Variants in KANK1 observed in about 807,000 individuals in gnomAD.
KANK1 encodes KN motif and ankyrin repeat domain-containing protein 1.
A neutral mutation model predicts 106.2 loss-of-function variants in KANK1; 109 were observed. The ratio of observed to expected loss-of-function variants is 1.03; its 90% CI spans 0.88 to 1.20. The LOEUF is 1.20. Among genes scored for constraint, KANK1 ranks in the 50% most tolerant of loss-of-function variants. The pLI is 0.00. For synonymous variants in KANK1, 873 were observed against 652.2 expected (o/e 1.34, Z -5.16); for missense variants, 2,399 against 1,710.7 (o/e 1.40, Z -7.10).
At chr9:595,987 A>G (rs527623538) in intron 1 of KANK1, among the ~76,000 whole-genome samples, 1 of 152,084 alleles carries the variant, frequency 6.6e-6, no homozygotes, top group South Asian at 2.1e-4. Flanking sequence ...TTGCATATAC[A>G]TAATGAAATT....
intron 3 of KANK1, among the ~76,000 whole-genome samples, chr9:478,971 G>A (rs947421768): frequency 2.0e-5 from 3 of 149,378 alleles, no homozygotes; most frequent in Non-Finnish European, 3.0e-5. Flanking sequence ...AGCCTGGGGC[G>A]CAGTGGTGCA....
At chr9:682,699 C>T (rs1196039168) in intron 2 of KANK1, among the ~76,000 whole-genome samples, 2 of 152,138 alleles carry the variant, frequency 1.3e-5, no homozygotes, top group African/African-American at 4.8e-5. Flanking sequence ...TTCAAAGAAG[C>T]AGGATGACTG....
At chr9:518,862 T>C (rs1338307245) in intron 1 of KANK1, among the ~76,000 whole-genome samples, 3 of 150,850 alleles carry the variant, frequency 2.0e-5, no homozygotes, top group African/African-American at 7.4e-5. Context: ...ATGAAGCCTA[T>C]ATGGAGTTTC....
In KANK1 at chr9:732,321, A is replaced by C. The variant is rs140398822; in HGVS notation, c.3006-57A>C. ...AGCAAATCCCTTCATAGAAATTTCT[A>C]TCACTGGGTCTTCGTGAGCACACCT... On this transcript the variant is annotated intron_variant, in intron 5 of 11. Transcript: ENST00000382297. The C allele has an allele frequency of 2.5e-5, 39 of 1,552,536 alleles. No homozygotes were observed. In the Admixed American group the frequency reaches 6.6e-4, roughly 26 times the overall value.
chr9:693,674 G>C, intron 2 of KANK1: 10 of 985,366 alleles, frequency 1.0e-5, no homozygotes, highest in Non-Finnish European at 1.2e-5. Flanking sequence ...CTCTGCAACA[G>C]CTCCTGGGCT....
At chr9:624,215 A>G (rs1301378966) in intron 1 of KANK1, among the ~76,000 whole-genome samples, 2 of 152,168 alleles carry the variant, frequency 1.3e-5, no homozygotes, top group Non-Finnish European at 2.9e-5. Context: ...GGTGATTGTC[A>G]GGGTCTGGGG....
At chr9:664,833 A>G (rs1844202516) in intron 1 of KANK1, among the ~76,000 whole-genome samples, 1 of 152,158 alleles carries the variant, frequency 6.6e-6, no homozygotes, top group Non-Finnish European at 1.5e-5. Context: ...CCTCACCAGC[A>G]TGTTATTCCC....
Position 734,895 on chromosome 9 carries a change from G to A in KANK1, c.3333+60G>A, listed in dbSNP as rs1364384396. The A allele has an allele frequency of 8.1e-6, 10 of 1,237,706 alleles. No individual in the cohort carries two copies. In the Admixed American group the frequency reaches 1.7e-4, roughly 21 times the overall value. 76.7% of individuals were successfully genotyped at this position (1,237,706 alleles called of 1,614,324 possible). ...TACAAAGTGCATGAGTGGGTTCATT[G>A]TCAAGGCCAGCTGTAGGCTGCCCGA... On this transcript the variant is annotated intron_variant, in intron 7 of 11. Coordinates refer to ENST00000382297, the MANE Select transcript of KANK1 (RefSeq NM_015158.5).
chr9:614,025 G>C (rs1207303234), intron 1 of KANK1, among the ~76,000 whole-genome samples: 2 of 152,152 alleles, frequency 1.3e-5, no homozygotes, highest in African/African-American at 4.8e-5. Flanking sequence ...AAGCATCTCT[G>C]GGTGGCACTG....
rs755580165 is a variant in KANK1, at chr9:713,075, A to T, written c.2309A>T (p.Tyr770Phe). The change falls in exon 3 of 12, where the codon TAT becomes TTT. Residue 770 changes from tyrosine (Y) to phenylalanine (F), a missense_variant. Physicochemically the swap from Tyr to Phe is conservative, Grantham distance 22. Coordinates refer to ENST00000382297, the MANE Select transcript of KANK1 (RefSeq NM_015158.5). Reference protein sequence around the residue: ...GVGQININDNYLVGLKMRTIA... With the variant: ...GVGQININDNFLVGLKMRTIA... ...GGGCAGATAAATATTAACGACAACT[A>T]TCTGGTTGGTCTCAAAATGAGGACT... is the stretch of plus-strand genomic sequence containing the variant. 6.2e-7 allele frequency: 1 copy of T among 1,613,812 alleles called. No homozygotes were observed. The highest frequency in any genetic ancestry group is 1.1e-5 in the South Asian group (1 of 91,048).
chr9:744,126 A>C (rs1564145857), intron 10 of KANK1, among the ~76,000 whole-genome samples: 1 of 152,178 alleles, frequency 6.6e-6, no homozygotes, highest in Non-Finnish European at 1.5e-5. Context: ...AAGGTAAAAG[A>C]TCTTTGGCAA....
At chr9:561,906 G>A (rs1427523213) in intron 1 of KANK1, among the ~76,000 whole-genome samples, 1 of 152,228 alleles carries the variant, frequency 6.6e-6, no homozygotes, top group Admixed American at 6.5e-5. Flanking sequence ...GACCAAGGAA[G>A]AGAGGCTCAT....
At chr9:490,771 A>G (rs2058364528) in intron 3 of KANK1, among the ~76,000 whole-genome samples, 1 of 152,196 alleles carries the variant, frequency 6.6e-6, no homozygotes, top group South Asian at 2.1e-4. Context: ...TATATACCAG[A>G]CAGTGTGGTA....
intron 1 of KANK1, among the ~76,000 whole-genome samples, chr9:607,941 C>CTG (rs202196992): frequency 1.3e-5 from 2 of 148,308 alleles, no homozygotes; most frequent in Non-Finnish European, 3.0e-5. Flanking sequence ...GAACATCTCT[C>CTG]TGTGTGTGTG....
chr9:637,985 C>T (rs1447494365), intron 1 of KANK1, among the ~76,000 whole-genome samples: 3 of 152,184 alleles, frequency 2.0e-5, no homozygotes, highest in African/African-American at 7.2e-5. Context: ...GGTACATCTT[C>T]AGACTCACTC....
rs561209379 is a variant in KANK1, at chr9:727,702, G to A, written c.2699-2349G>A. ...TTCATGTGTGTGTGTGTGTGTGTGT[G>A]TGTGTGTGTGTGTGTATGTGTGTGT... On this transcript the variant is annotated intron_variant, in intron 3 of 11. Transcript: ENST00000382297. 1.6e-4 allele frequency among the ~76,000 whole-genome samples: 24 copies of A among 151,838 alleles called. No homozygotes were observed. In the East Asian group the frequency reaches 4.3e-3, roughly 27 times the overall value.
At chr9:672,258 G>T (rs957053951) in intron 1 of KANK1, among the ~76,000 whole-genome samples, 1 of 152,178 alleles carries the variant, frequency 6.6e-6, no homozygotes, top group African/African-American at 2.4e-5. Flanking sequence ...GAGAGAAGGG[G>T]TAGTACTTTG....
intron 1 of KANK1, among the ~76,000 whole-genome samples, chr9:593,568 C>A (rs965711758): frequency 4.7e-5 from 7 of 150,264 alleles, no homozygotes; most frequent in African/African-American, 7.4e-5. Flanking sequence ...GGCAAAAAAA[C>A]CAGAGTAACT....
At position 505,167 on chromosome 9, in the gene KANK1, T is replaced by C. The variant is rs527511460; in HGVS notation, c.-84+413T>C. Among the ~76,000 whole-genome samples the C allele has an allele frequency of 3.1e-3, 466 of 152,158 alleles. 3 individuals carry two copies. Among genetic ancestry groups the C allele is most frequent in the African/African-American group, 0.011 (448 of 41,522 alleles). On this transcript the variant is annotated intron_variant, in intron 1 of 11. Coordinates refer to ENST00000382297, the MANE Select transcript of KANK1 (RefSeq NM_015158.5). ...TGTCCCTCGGATGCCTCTGGGCCCTTCCCTAGCCCGGGGCGGAACGGGGGA... is the reference window on the plus strand; with the variant it reads ...TGTCCCTCGGATGCCTCTGGGCCCTCCCCTAGCCCGGGGCGGAACGGGGGA...
Sources: gnomAD v4.1 joint callset for allele counts (sites outside exome capture counted in the v4.1 genomes callset) on GRCh38, gnomAD v4.1.1 for gene constraint, MANE v1.5 for transcripts, NCBI Gene and HGNC (gene_info 2026-07-23, HGNC 2026-07-21) for gene names.